Variants in CUL4B observed in about 807,000 individuals in gnomAD.
CUL4B encodes cullin 4B, also known as cullin-4B.
CUL4B carries 1 observed loss-of-function variant against 69.2 expected under a neutral mutation model. The ratio of observed to expected loss-of-function variants is 0.01; its 90% CI spans 0.01 to 0.07. The LOEUF (loss-of-function observed/expected upper bound fraction) is 0.07. Among genes scored for constraint, CUL4B ranks in the 10% least tolerant of loss-of-function variants. CUL4B has a pLI of 1.00. For synonymous variants in CUL4B, 237 were observed against 223.2 expected (o/e 1.06, Z -0.55); for missense variants, 328 against 638.8 (o/e 0.51, Z 5.24).
intron 16 of CUL4B, 107 bp from the exon 17 acceptor site, chrX:120,534,693 G>T (rs1602571354): frequency 5.3e-6 from 3 of 568,534 alleles, no homozygotes; most frequent in Non-Finnish European, 9.1e-6. Context: ...TTAGAAACAT[G>T]ATTAGCATTA....
rs753837282 is a variant in CUL4B at position 120,548,914 on chromosome X, C to T, written c.673-1675G>A. Among the ~76,000 whole-genome samples, 582 of 112,412 alleles carry T rather than the reference C, an allele frequency of 5.2e-3. 5 individuals carry two copies. Among genetic ancestry groups the T allele is most frequent in the Middle Eastern group, 9.1e-3 (2 of 219 alleles). ...TACAAAAGAAAGAACTGCATTTTTA[C>T]TTCACTTTAATAACTGAATTGGTCT... On this transcript the variant is annotated intron_variant, in intron 2 of 19. Coordinates refer to ENST00000371322, the MANE Select transcript of CUL4B (RefSeq NM_001079872.2).
At position 120,526,735 on chromosome X, in the gene CUL4B, A is replaced by G; in HGVS notation, c.*26T>C. The G allele has an allele frequency of 9.8e-7, 1 of 1,021,452 alleles. No individual in the cohort carries two copies. Among genetic ancestry groups the G allele is most frequent in the Non-Finnish European group, 1.4e-6 (1 of 727,449 alleles). The allele number at this position is 1,021,452 out of a possible 1,213,427, so 84.2% of individuals were successfully genotyped here. A position where few individuals can be genotyped will look rare whatever the true frequency, so the allele number is the denominator to read the frequency against. The stretch of plus-strand genomic sequence containing the variant: ...GTTTATCCACTGGCTACTGCATATG[A>G]CACCAAATGCTGCAAGGCCAACATT... On this transcript the variant is annotated 3_prime_UTR_variant, in exon 20 of 20. Coordinates refer to ENST00000371322, the MANE Select transcript of CUL4B (RefSeq NM_001079872.2).
intron 11 of CUL4B, 66 bp from the exon 12 acceptor site, chrX:120,539,438 T>C: frequency 3.3e-6 from 2 of 599,289 alleles, no homozygotes; most frequent in Non-Finnish European, 2.7e-6. Flanking sequence ...GCACTATATA[T>C]ACCCAAAGAG....
chrX:120,566,400 T>TATATATATATATG (rs1925548184), upstream of CUL4B, among the ~76,000 whole-genome samples: 1 of 88,720 alleles, frequency 1.1e-5, no homozygotes, highest in African/African-American at 4.0e-5. Flanking sequence ...TGTATATATA[T>TATATATATATATG]TTGGGTTTTT....
chrX:120,528,990 T>A (rs750076219), intron 19 of CUL4B, among the ~76,000 whole-genome samples: 5 of 111,968 alleles, frequency 4.5e-5, no homozygotes, highest in Non-Finnish European at 7.5e-5. Flanking sequence ...TGACCACTTG[T>A]TCAAGAGGGG....
intron 16 of CUL4B, 87 bp from the exon 17 acceptor site, chrX:120,534,673 AT>A: frequency 1.6e-6 from 1 of 630,230 alleles, no homozygotes; most frequent in Non-Finnish European, 2.7e-6. Context: ...GCATTTTTCA[AT>A]TAGTGGATTT....
At chrX:120,563,164 G>A (rs5957411), upstream of CUL4B, among the ~76,000 whole-genome samples, 3,092 of 112,069 alleles carry the variant, frequency 0.028, 113 homozygotes, top group African/African-American at 0.094. Flanking sequence ...CGCTGAGAAG[G>A]GAGATGGGGG....
chrX:120,555,478 A>T (rs1924908174), intron 2 of CUL4B, among the ~76,000 whole-genome samples: 1 of 111,789 alleles, frequency 8.9e-6, no homozygotes, highest in Admixed American at 9.5e-5. Flanking sequence ...TGTTTCAAAC[A>T]CTGCACTACA....
chrX:120,561,425 G>A (rs1340190673), upstream of CUL4B: 2 of 556,055 alleles, frequency 3.6e-6, no homozygotes, highest in Admixed American at 4.5e-5. Flanking sequence ...AAGCCCCCAG[G>A]TCCGCAGGAC....
In CUL4B at chrX:120,538,673, G is replaced by C. The variant is rs1276663277; in HGVS notation, c.1839C>G (p.Ser613=). Reference sequence around the variant, plus strand: ...TGAGAAACCTACCATGTTTAAGTTTGGACAGCATTGATTTTTCAGCATCTA... The same window carrying C: ...TGAGAAACCTACCATGTTTAAGTTTCGACAGCATTGATTTTTCAGCATCTA... ...ASVDAEKSML[S]KLKHECGAAF... The change falls in exon 13 of 20, where the codon TCC becomes TCG. Residue 613 remains serine (S), a synonymous_variant. Coordinates refer to ENST00000371322, the MANE Select transcript of CUL4B (RefSeq NM_001079872.2). 3 of 1,175,988 alleles carry C rather than the reference G, an allele frequency of 2.6e-6. No individual in the cohort carries two copies. The highest frequency in any genetic ancestry group is 3.5e-6 in the Non-Finnish European group (3 of 864,865).
intron 19 of CUL4B, among the ~76,000 whole-genome samples, chrX:120,528,126 A>G (rs1923094792): frequency 9.0e-6 from 1 of 111,717 alleles, no homozygotes; most frequent in African/African-American, 3.3e-5. Flanking sequence ...CACTATTTAG[A>G]CCGGGTGTGG....
In CUL4B at chrX:120,543,019, G is replaced by A. The variant is rs1255275053; in HGVS notation, c.1271C>T (p.Ala424Val). The A allele has an allele frequency of 1.7e-6, 2 of 1,178,093 alleles. No homozygotes were observed. The highest frequency in any genetic ancestry group is 3.0e-5 in the East Asian group (1 of 33,481). The change falls in exon 9 of 20, where the codon GCT becomes GTT. Residue 424 changes from alanine to valine, a missense_variant. Around this residue, in one of 4 missense-constraint regions of CUL4B, gnomAD observed 126 missense variants for 202.5 expected, o/e 0.62. Transcript: ENST00000371322. ...LDQTTQKSLI[A>V]TVEKQLLGEH... ...ACCTAGAAGTTGTTTTTCTACAGTA[G>A]CAATTAATGACTTCCTACAAGGAAA...
intron 4 of CUL4B, among the ~76,000 whole-genome samples, 153 bp downstream of exon 4, chrX:120,546,394 A>G (rs1234637169): frequency 3.6e-5 from 4 of 111,099 alleles, no homozygotes; most frequent in African/African-American, 1.3e-4. Context: ...AAAATAAATA[A>G]ATTTTTAAAA....
intron 1 of CUL4B, 101 bp from the exon 2 acceptor site, chrX:120,558,140 G>T (rs1409023753): frequency 5.8e-6 from 3 of 520,106 alleles, no homozygotes; most frequent in African/African-American, 4.7e-5. Context: ...GGTAAATTGT[G>T]ATCTTTATAA....
chrX:120,553,745 TAAACA>T (rs1196286162), intron 2 of CUL4B, among the ~76,000 whole-genome samples: 2 of 111,049 alleles, frequency 1.8e-5, no homozygotes, highest in African/African-American at 6.6e-5. Context: ...TATCTCTATT[TAAACA>T]AAACAAAACA....
chrX:120,570,007 C>G (rs1356707819), downstream of CUL4B, among the ~76,000 whole-genome samples: 2 of 111,670 alleles, frequency 1.8e-5, no homozygotes, highest in Non-Finnish European at 3.8e-5. Flanking sequence ...CAGTCCTAAC[C>G]AGAAACTCTG....
intron 5 of CUL4B, 36 bp from the exon 6 acceptor site, chrX:120,544,679 A>G: frequency 8.9e-7 from 1 of 1,117,748 alleles, no homozygotes; most frequent in Non-Finnish European, 1.2e-6. Context: ...AAATTAATTG[A>G]CAATACCACT....
At chrX:120,569,650 G>A (rs1048605894), downstream of CUL4B, among the ~76,000 whole-genome samples, 9 of 111,758 alleles carry the variant, frequency 8.1e-5, no homozygotes, top group Admixed American at 5.7e-4. Context: ...GTGAGCCACC[G>A]CGCCCGGCTG....
chrX:120,564,604 T>C (rs1310338597), upstream of CUL4B, among the ~76,000 whole-genome samples: 1 of 111,335 alleles, frequency 9.0e-6, no homozygotes, highest in Admixed American at 9.5e-5. Context: ...AGAGTCTGTC[T>C]CAAAAAAAAA....
Sources: allele counts gnomAD v4.1 joint callset (sites outside exome capture counted in the v4.1 genomes callset), GRCh38; gene constraint gnomAD v4.1.1; regional missense constraint gnomAD v4.1.1; transcripts MANE v1.5; gene names NCBI Gene and HGNC (gene_info 2026-07-23, HGNC 2026-07-21).